Variants in LDLRAD4 observed in about 807,000 individuals in gnomAD.
LDLRAD4 encodes low-density lipoprotein receptor class A domain-containing protein 4.
Under a neutral mutation model 17.0 loss-of-function variants are expected in LDLRAD4, and 5 were observed. That is an observed-to-expected ratio of 0.29 (90% confidence interval 0.15 to 0.62). The LOEUF (loss-of-function observed/expected upper bound fraction) is 0.62, where lower values mean the gene tolerates loss of function less well. Among genes scored for constraint, LDLRAD4 ranks in the 20% least tolerant of loss-of-function variants. The pLI is 0.84. For missense variants in LDLRAD4, 340 were observed against 424.7 expected (o/e 0.80, Z 1.75); for synonymous variants, 168 against 171.8 (o/e 0.98, Z 0.17).
intron 1 of LDLRAD4, among the ~76,000 whole-genome samples, chr18:13,378,911 T>C (rs1373143317): frequency 6.6e-6 from 1 of 152,222 alleles, no homozygotes; most frequent in East Asian, 1.9e-4. Flanking sequence ...AGATCAGAAC[T>C]GGAAGAGGGT....
At chr18:13,583,558 C>T (rs2094895044) in intron 3 of LDLRAD4, among the ~76,000 whole-genome samples, 1 of 152,092 alleles carries the variant, frequency 6.6e-6, no homozygotes, top group Admixed American at 6.5e-5. Context: ...ACGAGTTTGG[C>T]CGCTGAGATA....
chr18:13,304,836 T>G (rs2046816656), intron 1 of LDLRAD4, among the ~76,000 whole-genome samples: 1 of 152,094 alleles, frequency 6.6e-6, no homozygotes, highest in Non-Finnish European at 1.5e-5. Context: ...TCCCTAGGGA[T>G]GGGGACAGGG....
At chr18:13,548,564 C>G (rs2094397152) in intron 3 of LDLRAD4, among the ~76,000 whole-genome samples, 1 of 152,254 alleles carries the variant, frequency 6.6e-6, no homozygotes, top group African/African-American at 2.4e-5. Context: ...AAGTTTGCTT[C>G]AAAATTGGAG....
intron 2 of LDLRAD4, among the ~76,000 whole-genome samples, chr18:13,437,672 C>G (rs1453617574): frequency 1.3e-5 from 2 of 152,142 alleles, no homozygotes; most frequent in African/African-American, 4.8e-5. Flanking sequence ...TCACTGCTAC[C>G]CATGCCTGGT....
intron 3 of LDLRAD4, among the ~76,000 whole-genome samples, chr18:13,534,847 AC>A (rs2094180587): frequency 6.6e-6 from 1 of 152,032 alleles, no homozygotes; most frequent in South Asian, 2.1e-4. Context: ...CCCAGTCCCG[AC>A]CCCAGGCTCC....
At chr18:13,592,010 A>T (rs2095036131) in intron 3 of LDLRAD4, among the ~76,000 whole-genome samples, 1 of 152,226 alleles carries the variant, frequency 6.6e-6, no homozygotes, top group Admixed American at 6.5e-5. Flanking sequence ...CCACAAGGAC[A>T]TCACCCTGGG....
chr18:13,448,373 T>C (rs918694474), intron 3 of LDLRAD4, among the ~76,000 whole-genome samples: 37 of 152,142 alleles, frequency 2.4e-4, no homozygotes, highest in Admixed American at 2.4e-3. Context: ...TGCTTTCTCT[T>C]TTTATGAATT....
intron 1 of LDLRAD4, among the ~76,000 whole-genome samples, chr18:13,351,934 C>T (rs1380953363): frequency 6.6e-6 from 1 of 152,152 alleles, no homozygotes; most frequent in Non-Finnish European, 1.5e-5. Flanking sequence ...TTGGCTTCAT[C>T]CCTAGGATGC....
At chr18:13,322,281 C>G (rs1476831145) in intron 1 of LDLRAD4, among the ~76,000 whole-genome samples, 10 of 137,564 alleles carry the variant, frequency 7.3e-5, no homozygotes, top group Non-Finnish European at 1.4e-4. Flanking sequence ...AAGCCAGTCA[C>G]TTTTCTCACT....
intron 4 of LDLRAD4, chr18:13,641,957 C>G: frequency 1.0e-5 from 10 of 985,418 alleles, no homozygotes; most frequent in Non-Finnish European, 1.2e-5. Context: ...GAGGAGCGCC[C>G]CTGCGGGCCC....
intron 2 of LDLRAD4, among the ~76,000 whole-genome samples, chr18:13,413,702 C>T (rs148420451): frequency 3.1e-3 from 471 of 152,288 alleles, no homozygotes; most frequent in East Asian, 9.8e-3. Flanking sequence ...AGTGACCTAA[C>T]GATTGCTGTG....
intron 1 of LDLRAD4, among the ~76,000 whole-genome samples, chr18:13,384,542 A>G (rs1568079920): frequency 6.6e-6 from 1 of 152,164 alleles, no homozygotes; most frequent in East Asian, 1.9e-4. Context: ...AAAATTTTGT[A>G]TGTTTGATCA....
intron 1 of LDLRAD4, among the ~76,000 whole-genome samples, chr18:13,378,707 C>T (rs1468775454): frequency 6.6e-6 from 1 of 152,168 alleles, no homozygotes; most frequent in Non-Finnish European, 1.5e-5. Context: ...TATTCTACCA[C>T]ATTTCATACC....
chr18:13,459,956 C>T (rs1364120000), intron 3 of LDLRAD4: 2 of 154,036 alleles, frequency 1.3e-5, no homozygotes, highest in Non-Finnish European at 2.9e-5. Context: ...AGGTCATACC[C>T]TGGCTCCAGC....
chr18:13,339,210 T>C (rs141462675), intron 1 of LDLRAD4, among the ~76,000 whole-genome samples: 8 of 140,540 alleles, frequency 5.7e-5, no homozygotes, highest in Non-Finnish European at 1.2e-4. Flanking sequence ...GTAGTATCAC[T>C]ACTTTTTTTT....
At chr18:13,400,744 G>A (rs1439299353) in intron 2 of LDLRAD4, among the ~76,000 whole-genome samples, 1 of 152,220 alleles carries the variant, frequency 6.6e-6, no homozygotes, top group Non-Finnish European at 1.5e-5. Context: ...AAGCCTTGCT[G>A]TTGGTGTAGG....
In LDLRAD4 at chr18:13,590,237, G is replaced by A. The variant is rs114602359; in HGVS notation, c.182-30880G>A. Among the ~76,000 whole-genome samples, 683 of 151,714 alleles carry A rather than the reference G, an allele frequency of 4.5e-3. 7 individuals are homozygous for A. Among genetic ancestry groups the A allele is most frequent in the African/African-American group, 0.016 (644 of 41,336 alleles). ...TGGGAGGGTGTGTGGGTATAAGTGT[G>A]TGCATGTGAGGGGGATAGGTGTGTA... is the stretch of plus-strand genomic sequence containing the variant. On this transcript the variant is annotated intron_variant, in intron 3 of 5. Transcript: ENST00000359446.
chr18:13,278,042 A>G (rs370043884), upstream of LDLRAD4: 12 of 152,272 alleles, frequency 7.9e-5, no homozygotes, highest in East Asian at 5.8e-4. Flanking sequence ...TGTTTTTGAA[A>G]CTTGAGAGGG....
chr18:13,434,529 T>C (rs1246005701), intron 2 of LDLRAD4, among the ~76,000 whole-genome samples: 1 of 152,192 alleles, frequency 6.6e-6, no homozygotes, highest in Non-Finnish European at 1.5e-5. Flanking sequence ...TTGGCAGAAA[T>C]ACTCAACAAG....
Sources: allele counts gnomAD v4.1 joint callset (sites outside exome capture counted in the v4.1 genomes callset), GRCh38; gene constraint gnomAD v4.1.1; transcripts MANE v1.5; gene names NCBI Gene and HGNC (gene_info 2026-07-23, HGNC 2026-07-21).